KHDRBS2: variants seen among roughly 807,000 people sequenced by gnomAD.
The protein encoded by KHDRBS2 is KH domain-containing, RNA-binding, signal transduction-associated protein 2.
KHDRBS2 carries 26 observed loss-of-function variants against 44.3 expected under a neutral mutation model. That is an observed-to-expected ratio of 0.59 (90% CI 0.43 to 0.81). The LOEUF (loss-of-function observed/expected upper bound fraction) is 0.81. KHDRBS2 is among the 40% of genes least tolerant of loss of function. The pLI is 0.00. For missense variants in KHDRBS2, 476 were observed against 433.1 expected, an observed-to-expected ratio of 1.10 and a Z score of -0.88; for synonymous variants, 194 against 151.1, an observed-to-expected ratio of 1.28 and a Z score of -2.08.
chr6:61,654,700 G>T, the KHDRBS2 span, among the ~76,000 whole-genome samples: 1 of 151,222 alleles, frequency 6.6e-6, no homozygotes, highest in Non-Finnish European at 1.5e-5. Context: ...GCTCAACTCA[G>T]AAATTAGTAA....
At chr6:61,735,948 A>G (rs1354317044) in intron 6 of KHDRBS2, among the ~76,000 whole-genome samples, 1 of 151,682 alleles carries the variant, frequency 6.6e-6, no homozygotes, top group Non-Finnish European at 1.5e-5. Context: ...TGCTTTTACA[A>G]TTTTTATCTC....
At chr6:61,701,871 G>C (rs1768737996) in intron 7 of KHDRBS2, among the ~76,000 whole-genome samples, 1 of 151,898 alleles carries the variant, frequency 6.6e-6, no homozygotes, top group Admixed American at 6.6e-5. Flanking sequence ...TGTTTTGTAT[G>C]GGGTAGAAGG....
chr6:61,714,531 A>T (rs1771062584), intron 7 of KHDRBS2, among the ~76,000 whole-genome samples: 1 of 151,950 alleles, frequency 6.6e-6, no homozygotes, highest in African/African-American at 2.4e-5. Context: ...CAGTGGTCCC[A>T]CTACTGAGTA....
At chr6:61,750,401 G>C (rs186751878) in intron 6 of KHDRBS2, among the ~76,000 whole-genome samples, 83 of 152,300 alleles carry the variant, frequency 5.4e-4, no homozygotes, top group Non-Finnish European at 9.9e-4. Context: ...GGTTCAGGCT[G>C]TTTCTAACTG....
intron 1 of KHDRBS2, among the ~76,000 whole-genome samples, chr6:62,195,255 T>G (rs796345628): frequency 2.0e-5 from 3 of 152,220 alleles, no homozygotes; most frequent in Non-Finnish European, 2.9e-5. Flanking sequence ...CAATTTATTT[T>G]TGTATGCGTT....
intron 1 of KHDRBS2, among the ~76,000 whole-genome samples, chr6:62,239,676 CTATTTATT>C (rs929489438): frequency 1.3e-4 from 19 of 151,990 alleles, no homozygotes; most frequent in East Asian, 3.9e-4. Flanking sequence ...ATTTCTTAAA[CTATTTATT>C]TATTTATTTA....
chr6:61,989,102 C>T (rs1306953901), intron 3 of KHDRBS2, among the ~76,000 whole-genome samples: 2 of 152,140 alleles, frequency 1.3e-5, no homozygotes, highest in East Asian at 3.9e-4. Flanking sequence ...TCCCCACTCT[C>T]CTTTTTCTCA....
intron 3 of KHDRBS2, among the ~76,000 whole-genome samples, chr6:62,029,691 C>A (rs534920032): frequency 1.7e-4 from 26 of 151,868 alleles, no homozygotes; most frequent in Admixed American, 7.9e-4. Flanking sequence ...GAAATATAAG[C>A]TTCAAAGATA....
At chr6:61,954,400 TGTATGCATGCATACATATATAC>T (rs1765550003) in intron 4 of KHDRBS2, among the ~76,000 whole-genome samples, 2 of 90,352 alleles carry the variant, frequency 2.2e-5, no homozygotes, top group Admixed American at 2.4e-4. Context: ...TATATACGTA[TGTATGCATGCATACATATATAC>T]GTATGTATGC....
At chr6:61,848,469 T>TTATATATATATATATATATATATA (rs796641130) in intron 6 of KHDRBS2, among the ~76,000 whole-genome samples, 2 of 73,694 alleles carry the variant, frequency 2.7e-5, no homozygotes, top group South Asian at 4.7e-4. Flanking sequence ...AATGGAGGTT[T>TTATATATATATATATATATATATA]TATATATATA....
In KHDRBS2 at chr6:61,954,785, TACACATGC is replaced by T. The variant is rs1308952974; in HGVS notation, c.483+23273_483+23280del. Among the ~76,000 whole-genome samples the T allele has an allele frequency of 2.3e-3, 262 of 113,428 alleles. 77 individuals are homozygous for T. The highest frequency in any genetic ancestry group is 5.9e-3 in the African/African-American group (183 of 30,856). The allele number at this position is 113,428 out of a possible 152,430, so 74.4% of individuals were successfully genotyped here. On this transcript the variant is annotated intron_variant, in intron 4 of 8. Transcript: ENST00000281156. Reference sequence around the variant, plus strand: ...GTATGTATACATACATATGTGTATATACACATGCATATGTATGTATACATACGCATGTG... The same window carrying T: ...GTATGTATACATACATATGTGTATATATATGTATGTATACATACGCATGTG...
chr6:62,136,748 G>A (rs1177652178), intron 2 of KHDRBS2, among the ~76,000 whole-genome samples: 2 of 152,078 alleles, frequency 1.3e-5, no homozygotes, highest in African/African-American at 2.4e-5. Context: ...CTTGGCTTCT[G>A]CCTGGCAAAC....
chr6:61,704,753 C>T (rs932438591), intron 7 of KHDRBS2, among the ~76,000 whole-genome samples: 1 of 89,880 alleles, frequency 1.1e-5, no homozygotes, highest in African/African-American at 3.0e-5. Flanking sequence ...CATTATTCAA[C>T]ACATAGTAGT....
intron 3 of KHDRBS2, among the ~76,000 whole-genome samples, chr6:61,987,805 C>T (rs1235691318): frequency 6.6e-6 from 1 of 152,144 alleles, no homozygotes; most frequent in African/African-American, 2.4e-5. Flanking sequence ...TGAAGAGCAC[C>T]TCTAACTCTT....
At chr6:61,994,235 G>C (rs1201173030) in intron 3 of KHDRBS2, among the ~76,000 whole-genome samples, 1 of 152,176 alleles carries the variant, frequency 6.6e-6, no homozygotes, top group Admixed American at 6.5e-5. Context: ...CGTAATCCAA[G>C]GATATGGTCA....
At chr6:61,546,955 G>C in the KHDRBS2 span, among the ~76,000 whole-genome samples, 23 of 152,100 alleles carry the variant, frequency 1.5e-4, no homozygotes, top group South Asian at 4.1e-4. Flanking sequence ...ACCCTATTCA[G>C]GCAACTCAGG....
chr6:61,925,737 A>G (rs1808845974), intron 4 of KHDRBS2, among the ~76,000 whole-genome samples: 1 of 152,016 alleles, frequency 6.6e-6, no homozygotes, highest in South Asian at 2.1e-4. Context: ...AAAAAAAAAA[A>G]AAAAGAAATT....
intron 1 of KHDRBS2, among the ~76,000 whole-genome samples, chr6:62,275,655 T>C (rs1840813742): frequency 6.6e-6 from 1 of 152,208 alleles, no homozygotes; most frequent in Non-Finnish European, 1.5e-5. Flanking sequence ...AGTAACCTAG[T>C]TAGTTCACTC....
chr6:61,900,210 T>C (rs1803715191), intron 5 of KHDRBS2, among the ~76,000 whole-genome samples: 1 of 152,090 alleles, frequency 6.6e-6, no homozygotes, highest in African/African-American at 2.4e-5. Flanking sequence ...AACTTTTTTT[T>C]CTGACCGGTG....
Sources: gnomAD v4.1 joint callset for allele counts (sites outside exome capture counted in the v4.1 genomes callset) on GRCh38, gnomAD v4.1.1 for gene constraint, MANE v1.5 for transcripts, NCBI Gene and HGNC (gene_info 2026-07-23, HGNC 2026-07-21) for gene names.